Variants in HCN1 observed in about 807,000 individuals in gnomAD.
The protein encoded by HCN1 is potassium/sodium hyperpolarization-activated cyclic nucleotide-gated channel 1.
Under a neutral mutation model 78.9 loss-of-function variants are expected in HCN1, and 13 were observed. That is an observed-to-expected ratio of 0.16 (90% CI 0.11 to 0.26). The LOEUF (loss-of-function observed/expected upper bound fraction) is 0.26, where lower values mean the gene tolerates loss of function less well. Ranked by LOEUF, HCN1 falls within the 10% of genes least tolerant of loss-of-function variation. The pLI is 1.00. For missense variants in HCN1, 810 were observed against 1,154.3 expected (o/e 0.70, Z 4.32); for synonymous variants, 552 against 455.5 (o/e 1.21, Z -2.70).
chr5:45,444,615 T>G (rs890132966), intron 3 of HCN1, among the ~76,000 whole-genome samples: 4 of 152,122 alleles, frequency 2.6e-5, no homozygotes, highest in African/African-American at 9.7e-5. Flanking sequence ...GATCTTATGT[T>G]TGTCATATGA....
intron 6 of HCN1, among the ~76,000 whole-genome samples, chr5:45,291,548 T>C (rs1745376312): frequency 6.6e-6 from 1 of 152,022 alleles, no homozygotes; most frequent in Non-Finnish European, 1.5e-5. Context: ...CTCTTTTTTA[T>C]TTTATTTATT....
rs1006160281 is a variant in HCN1 at position 45,657,074 on chromosome 5, G to T, written c.426-11466C>A. Reference sequence around the variant, plus strand: ...GAAAATGATTCTACCAGGAGCATATGTTTCCAGGTCTGTAACAAATATCGA... The same window carrying T: ...GAAAATGATTCTACCAGGAGCATATTTTTCCAGGTCTGTAACAAATATCGA... On this transcript the variant is annotated intron_variant, in intron 1 of 7. Coordinates refer to ENST00000303230, the MANE Select transcript of HCN1 (RefSeq NM_021072.4). Among the ~76,000 whole-genome samples the T allele has an allele frequency of 9.2e-5, 14 of 152,122 alleles. 1 individual carries two copies. Among genetic ancestry groups the T allele is most frequent in the African/African-American group, 3.4e-4 (14 of 41,436 alleles).
intron 2 of HCN1, among the ~76,000 whole-genome samples, chr5:45,545,723 G>A (rs1743209213): frequency 6.6e-6 from 1 of 152,144 alleles, no homozygotes; most frequent in South Asian, 2.1e-4. Flanking sequence ...CCCATTTCTT[G>A]TTTTTGTCAG....
At chr5:45,680,821 T>TTATCTCTTCATG (rs1397433982) in intron 1 of HCN1, among the ~76,000 whole-genome samples, 1 of 152,138 alleles carries the variant, frequency 6.6e-6, no homozygotes, top group Non-Finnish European at 1.5e-5. Flanking sequence ...TCTTCATGTA[T>TTATCTCTTCATG]TAGGTGAAGG....
intron 6 of HCN1, among the ~76,000 whole-genome samples, chr5:45,300,278 A>G (rs1745584252): frequency 6.6e-6 from 1 of 152,012 alleles, no homozygotes; most frequent in Non-Finnish European, 1.5e-5. Context: ...CCTGGCCTAT[A>G]CATATACAGT....
intron 6 of HCN1, among the ~76,000 whole-genome samples, chr5:45,301,737 A>G (rs974204815): frequency 1.4e-4 from 21 of 151,382 alleles, no homozygotes; most frequent in Admixed American, 2.6e-4. Flanking sequence ...AAAAAAAAAA[A>G]AAAGAAAGAA....
At chr5:45,355,931 G>T (rs1746998837) in intron 4 of HCN1, among the ~76,000 whole-genome samples, 2 of 151,916 alleles carry the variant, frequency 1.3e-5, no homozygotes, top group Admixed American at 6.6e-5. Context: ...ATCTCTGTTA[G>T]AATACAACAC....
intron 4 of HCN1, among the ~76,000 whole-genome samples, chr5:45,372,321 T>A: frequency 9.9e-6 from 1 of 100,640 alleles, no homozygotes; most frequent in Non-Finnish European, 1.7e-5. Context: ...GTGAAATATA[T>A]ATGTTATATA....
chr5:45,480,628 G>T, intron 2 of HCN1, among the ~76,000 whole-genome samples: 1 of 152,058 alleles, frequency 6.6e-6, no homozygotes, highest in East Asian at 1.9e-4. Context: ...TGACTGAAAT[G>T]GAAATTAAAA....
At chr5:45,636,777 T>C (rs1444516634) in intron 2 of HCN1, among the ~76,000 whole-genome samples, 1 of 152,060 alleles carries the variant, frequency 6.6e-6, no homozygotes, top group Non-Finnish European at 1.5e-5. Context: ...GAGTTCAAGG[T>C]TGCAGTGAGC....
At position 45,696,363 on chromosome 5, in the gene HCN1, C is replaced by G. The variant is rs995691479; in HGVS notation, c.-270G>C. 1 of 154,310 alleles carries G rather than the reference C, an allele frequency of 6.5e-6. No homozygotes were observed. The highest frequency in any genetic ancestry group is 2.4e-5 in the African/African-American group (1 of 41,506). The allele number at this position is 154,310 out of a possible 1,614,324, so 9.6% of individuals were successfully genotyped here. A position where few individuals can be genotyped will look rare whatever the true frequency, so the allele number is the denominator to read the frequency against. On this transcript the variant is annotated 5_prime_UTR_variant, in exon 1 of 8. Coordinates refer to ENST00000303230, the MANE Select transcript of HCN1 (RefSeq NM_021072.4). ...TGAAGCTGAGGCTGCCGGAGCTAGG[C>G]GAGGCTCAGCTCGGCTCAGCCCTCG...
intron 6 of HCN1, among the ~76,000 whole-genome samples, chr5:45,269,401 ACTCTTT>A (rs879042410): frequency 2.6e-5 from 4 of 151,194 alleles, no homozygotes; most frequent in African/African-American, 7.3e-5. Flanking sequence ...TTTTTTCTGA[ACTCTTT>A]CTCTTTACTC....
chr5:45,350,119 G>C (rs548800307), intron 5 of HCN1, among the ~76,000 whole-genome samples: 4 of 151,934 alleles, frequency 2.6e-5, no homozygotes, highest in African/African-American at 9.7e-5. Context: ...GATGCAAAAA[G>C]CCTCAATAAA....
chr5:45,527,891 G>A (rs1365417866), intron 2 of HCN1, among the ~76,000 whole-genome samples: 3 of 150,746 alleles, frequency 2.0e-5, no homozygotes, highest in African/African-American at 7.3e-5. Context: ...TAATGATGGA[G>A]ATGGGATCTA....
intron 2 of HCN1, among the ~76,000 whole-genome samples, chr5:45,627,996 G>T (rs960825218): frequency 6.6e-6 from 1 of 151,986 alleles, no homozygotes; most frequent in Non-Finnish European, 1.5e-5. Context: ...AATTTTATTC[G>T]TGAATTCTAC....
chr5:45,408,976 A>C (rs1315185054), intron 3 of HCN1, among the ~76,000 whole-genome samples: 1 of 152,166 alleles, frequency 6.6e-6, no homozygotes, highest in Non-Finnish European at 1.5e-5. Flanking sequence ...GTCGGTTATC[A>C]GATCATAAAA....
At chr5:45,278,230 C>T (rs999081628) in intron 6 of HCN1, among the ~76,000 whole-genome samples, 4 of 151,944 alleles carry the variant, frequency 2.6e-5, no homozygotes, top group East Asian at 1.9e-4. Context: ...TTCCTTCACT[C>T]GATAGATTAC....
intron 1 of HCN1, among the ~76,000 whole-genome samples, chr5:45,693,206 T>G (rs1179351481): frequency 6.6e-6 from 1 of 152,198 alleles, no homozygotes; most frequent in Non-Finnish European, 1.5e-5. Flanking sequence ...CATTACATTA[T>G]CTTGACGTTA....
chr5:45,344,902 G>A (rs1746666347), intron 5 of HCN1, among the ~76,000 whole-genome samples: 1 of 152,234 alleles, frequency 6.6e-6, no homozygotes, highest in South Asian at 2.1e-4. Context: ...GCTCCACTAG[G>A]CAGTGACCCA....
Sources: allele counts gnomAD v4.1 joint callset (sites outside exome capture counted in the v4.1 genomes callset), GRCh38; gene constraint gnomAD v4.1.1; transcripts MANE v1.5; gene names NCBI Gene and HGNC (gene_info 2026-07-23, HGNC 2026-07-21).